Variants in FUCA2 observed in about 807,000 individuals in gnomAD.
FUCA2 encodes the protein plasma alpha-L-fucosidase.
FUCA2 carries 41 observed loss-of-function variants against 52.6 expected under a neutral mutation model. The observed-to-expected ratio is 0.78, with a 90% CI of 0.61 to 1.01. The LOEUF is 1.01. Ranked by LOEUF, FUCA2 falls within the 50% of genes least tolerant of loss-of-function variation. The pLI is 0.00. For synonymous variants in FUCA2, 211 were observed against 217.3 expected, an observed-to-expected ratio of 0.97 and a Z score of 0.26; for missense variants, 507 against 569.5, an observed-to-expected ratio of 0.89 and a Z score of 1.12.
In FUCA2 at chr6:143,507,347, T is replaced by C. The variant is rs1376422949; in HGVS notation, c.302A>G (p.Glu101Gly). The stretch of plus-strand genomic sequence containing the variant: ...TGCTGTAAATAGTGGTCCAAAATCT[T>C]CATATTTGAAACTAGGAGGGTAATT... ...KDNYPPSFKY[E>G]DFGPLFTAKF... The change falls in exon 2 of 7, where the codon GAA becomes GGA. Residue 101 changes from glutamate to glycine, a missense_variant. Coordinates refer to ENST00000002165, the MANE Select transcript of FUCA2 (RefSeq NM_032020.5). This position sits in a 1 kb window ranked among gnomAD's most constrained non-coding sequence, Gnocchi z 4.5. 6.2e-7 allele frequency: 1 copy of C among 1,608,798 alleles called. No individual in the cohort carries two copies. Among genetic ancestry groups the C allele is most frequent in the Non-Finnish European group, 8.5e-7 (1 of 1,178,938 alleles).
rs1465719879 is a variant in FUCA2, at chr6:143,511,568, G to GCGGCAGCAGCAGCAA, written c.52_66dup (p.Leu18_Pro22dup). The GCGGCAGCAGCAGCAA allele has an allele frequency of 1.2e-5, 19 of 1,564,274 alleles. No individual in the cohort carries two copies. Among genetic ancestry groups the GCGGCAGCAGCAGCAA allele is most frequent in the Non-Finnish European group, 1.6e-5 (19 of 1,155,248 alleles). ...GCGCTGTGGGCAGGGCACGGCGGCGGCGGCAGCAGCAGCAACAGCAACAGC... is the reference window on the plus strand; with the variant it reads ...GCGCTGTGGGCAGGGCACGGCGGCGGCGGCAGCAGCAGCAACGGCAGCAGCAGCAACAGCAACAGC... On this transcript the variant is annotated inframe_insertion, in exon 1 of 7. Coordinates refer to ENST00000002165, the MANE Select transcript of FUCA2 (RefSeq NM_032020.5). This position sits in a 1 kb window ranked among gnomAD's most constrained non-coding sequence, Gnocchi z 6.3.
chr6:143,504,547 A>G lies in FUCA2; in HGVS notation c.413-295T>C, dbSNP rs1037906504. The G allele has an allele frequency of 1.3e-5, 4 of 318,008 alleles. No homozygotes were observed. Among genetic ancestry groups the G allele is most frequent in the African/African-American group, 8.6e-5 (4 of 46,704 alleles). The allele number at this position is 318,008 out of a possible 1,614,324, so 19.7% of individuals were successfully genotyped here. On this transcript the variant is annotated intron_variant, in intron 2 of 6. Transcript: ENST00000002165. The surrounding 1 kb of genome is among the most constrained non-coding windows in gnomAD (Gnocchi z 4.4). ...GATTTTAAGGTCCTTAAGGGATTGC[A>G]TCATGTCTGCAGTGCTCCCTGCTAT...
In FUCA2 at chr6:143,503,487, T is replaced by C. The variant is rs1460119953; in HGVS notation, c.752+426A>G. On this transcript the variant is annotated intron_variant, in intron 3 of 6. Coordinates refer to ENST00000002165, the MANE Select transcript of FUCA2 (RefSeq NM_032020.5). This position sits in a 1 kb window ranked among gnomAD's most constrained non-coding sequence, Gnocchi z 4.8. ...AAAGAGGAGACAAACAAGGGTGACATTGGCTGGGCAGCAAAGATGACCAAA... is the reference window on the plus strand; with the variant it reads ...AAAGAGGAGACAAACAAGGGTGACACTGGCTGGGCAGCAAAGATGACCAAA... 6.3e-6 allele frequency: 1 copy of C among 157,748 alleles called. No homozygotes were observed. The highest frequency in any genetic ancestry group is 1.4e-5 in the Non-Finnish European group (1 of 71,910). 9.8% of individuals were successfully genotyped at this position (157,748 alleles called of 1,614,324 possible). A position where few individuals can be genotyped will look rare whatever the true frequency, so the allele number is the denominator to read the frequency against.
intron 2 of FUCA2, chr6:143,506,225 TCCCTCCGCC>T (rs1780606432): frequency 7.6e-6 from 1 of 131,498 alleles, no homozygotes; most frequent in South Asian, 2.6e-4. Flanking sequence ...AGACAGGATC[TCCCTCCGCC>T]ACCTAGACTG....
Position 143,500,838 on chromosome 6 carries a change from C to G in FUCA2, c.1154+1094G>C, listed in dbSNP as rs1215864637. 6.6e-6 allele frequency among the ~76,000 whole-genome samples: 1 copy of G among 152,070 alleles called. No individual in the cohort carries two copies. Among genetic ancestry groups the G allele is most frequent in the Non-Finnish European group, 1.5e-5 (1 of 68,016 alleles). On this transcript the variant is annotated intron_variant, in intron 5 of 6. Coordinates refer to ENST00000002165, the MANE Select transcript of FUCA2 (RefSeq NM_032020.5). This position sits in a 1 kb window ranked among gnomAD's most constrained non-coding sequence, Gnocchi z 6.9. ...GGATTTTAAGGGTTGACCTGGGAGT[C>G]TGTAGGTGACTGCAAGAAGGTGGGC...
intron 5 of FUCA2, among the ~76,000 whole-genome samples, chr6:143,498,238 A>G (rs550819399): frequency 1.3e-5 from 2 of 152,332 alleles, no homozygotes; most frequent in Admixed American, 6.5e-5. Context: ...GAAATCTTAA[A>G]ATGCTAGACA....
At chr6:143,505,599 G>A (rs1208611955) in intron 2 of FUCA2, 1 of 152,164 alleles carries the variant, frequency 6.6e-6, no homozygotes, top group African/African-American at 2.4e-5. Flanking sequence ...TTATAGATGT[G>A]AGCCACTGCA....
chr6:143,507,561 TTGG>T lies in FUCA2; in HGVS notation c.225-140_225-138del, dbSNP rs1288811706. ...TTTCTCACTTCCCCATTAGTTTGAC[TTGG>T]CTTTAAAGATAGCTTATGCAAACTA... On this transcript the variant is annotated intron_variant, in intron 1 of 6. Transcript: ENST00000002165. The surrounding 1 kb of genome is among the most constrained non-coding windows in gnomAD (Gnocchi z 4.5). 8 of 637,972 alleles carry T rather than the reference TTGG, an allele frequency of 1.3e-5. No homozygotes were observed. Among genetic ancestry groups the T allele is most frequent in the African/African-American group, 1.9e-5 (1 of 51,910 alleles). 39.5% of individuals were successfully genotyped at this position (637,972 alleles called of 1,614,324 possible).
In FUCA2 at chr6:143,511,276, G is replaced by T; in HGVS notation, c.224+135C>A. 1.4e-6 allele frequency: 1 copy of T among 707,182 alleles called. No homozygotes were observed. The highest frequency in any genetic ancestry group is 3.3e-5 in the Admixed American group (1 of 30,176). 43.8% of individuals were successfully genotyped at this position (707,182 alleles called of 1,614,324 possible). A position where few individuals can be genotyped will look rare whatever the true frequency, so the allele number is the denominator to read the frequency against. On this transcript the variant is annotated intron_variant, in intron 1 of 6. Transcript: ENST00000002165. This position sits in a 1 kb window ranked among gnomAD's most constrained non-coding sequence, Gnocchi z 6.3. ...TTCGACACCCGGAAGTGCGAAACGC[G>T]GGTAACGCAGTGGGAGGTGAAACCG...
rs1391228161 is a variant in FUCA2, at chr6:143,501,103, C to A, written c.1154+829G>T. 6.6e-6 allele frequency among the ~76,000 whole-genome samples: 1 copy of A among 152,092 alleles called. No individual in the cohort carries two copies. On this transcript the variant is annotated intron_variant, in intron 5 of 6. Transcript: ENST00000002165. The surrounding 1 kb of genome is among the most constrained non-coding windows in gnomAD (Gnocchi z 6.1). ...AAAAGTAAGAAGCAAATTCCAAAAC[C>A]AGATTTCTACTATTCTCTGTCACAT... is the stretch of plus-strand genomic sequence containing the variant.
chr6:143,501,567 CT>C lies in FUCA2; in HGVS notation c.1154+364del, dbSNP rs1780527269. ...TTGCTAATTTCATGGGATGCAACAT[CT>C]GCAAAAGTCAGAATTTACCGAACTG... On this transcript the variant is annotated intron_variant, in intron 5 of 6. Coordinates refer to ENST00000002165, the MANE Select transcript of FUCA2 (RefSeq NM_032020.5). The surrounding 1 kb of genome is among the most constrained non-coding windows in gnomAD (Gnocchi z 6.1). Among the ~76,000 whole-genome samples, 1 of 152,164 alleles carries C rather than the reference CT, an allele frequency of 6.6e-6. No individual in the cohort carries two copies. The highest frequency in any genetic ancestry group is 2.4e-5 in the African/African-American group (1 of 41,434).
At chr6:143,498,586 C>T (rs929740274) in intron 5 of FUCA2, among the ~76,000 whole-genome samples, 11 of 152,130 alleles carry the variant, frequency 7.2e-5, no homozygotes, top group Non-Finnish European at 1.3e-4. Context: ...TGTTGATGCA[C>T]TAGCAAGGCA....
At chr6:143,496,429 A>C (rs1357417581) in intron 6 of FUCA2, 1 of 152,270 alleles carries the variant, frequency 6.6e-6, no homozygotes, top group Non-Finnish European at 1.5e-5. Flanking sequence ...AAAAGAACAT[A>C]GATAAAATAA....
At position 143,500,929 on chromosome 6, in the gene FUCA2, G is replaced by A. The variant is rs144822397; in HGVS notation, c.1154+1003C>T. 5.8e-4 allele frequency among the ~76,000 whole-genome samples: 88 copies of A among 152,212 alleles called. No homozygotes were observed. Among genetic ancestry groups the A allele is most frequent in the African/African-American group, 1.5e-3 (64 of 41,526 alleles). ...GGAGAGCAGGACCACTCAGTGGCAG[G>A]GAAGTTGGTAGGAGCCAGACTCACA... is the stretch of plus-strand genomic sequence containing the variant. On this transcript the variant is annotated intron_variant, in intron 5 of 6. Coordinates refer to ENST00000002165, the MANE Select transcript of FUCA2 (RefSeq NM_032020.5). The surrounding 1 kb of genome is among the most constrained non-coding windows in gnomAD (Gnocchi z 6.9).
chr6:143,497,634 T>C lies in FUCA2; in HGVS notation c.1155-137A>G, dbSNP rs1212614200. 1.8e-6 allele frequency: 1 copy of C among 561,594 alleles called. No homozygotes were observed. Among genetic ancestry groups the C allele is most frequent in the Non-Finnish European group, 3.1e-6 (1 of 318,178 alleles). 34.8% of individuals were successfully genotyped at this position (561,594 alleles called of 1,614,324 possible). A position where few individuals can be genotyped will look rare whatever the true frequency, so the allele number is the denominator to read the frequency against. ...ACCACTAATAGAAGGGAAGGAAAAA[T>C]AGCCTCATGGTGGTATAAAAAAACA... On this transcript the variant is annotated intron_variant, in intron 5 of 6. Transcript: ENST00000002165. The surrounding 1 kb of genome is among the most constrained non-coding windows in gnomAD (Gnocchi z 5.3).
chr6:143,501,826 T>C lies in FUCA2; in HGVS notation c.1154+106A>G. ...AAGTTTGGAAAGTGCTTTGTATATG[T>C]AGGAATTCATCCAATTTCTCTTTTT... On this transcript the variant is annotated intron_variant, in intron 5 of 6. Transcript: ENST00000002165. This position sits in a 1 kb window ranked among gnomAD's most constrained non-coding sequence, Gnocchi z 6.1. 2 of 983,322 alleles carry C rather than the reference T, an allele frequency of 2.0e-6. No homozygotes were observed. The highest frequency in any genetic ancestry group is 2.5e-4 in the Middle Eastern group (1 of 3,928). 60.9% of individuals were successfully genotyped at this position (983,322 alleles called of 1,614,324 possible).
chr6:143,498,701 CCTT>C (rs1196617024), intron 5 of FUCA2, among the ~76,000 whole-genome samples: 1 of 151,978 alleles, frequency 6.6e-6, no homozygotes, highest in Non-Finnish European at 1.5e-5. Flanking sequence ...TGGGACCTGG[CCTT>C]CTCTCTGAGA....
chr6:143,506,236 C>CCTAGACTG, intron 2 of FUCA2: 1 of 144,620 alleles, frequency 6.9e-6, no homozygotes, highest in Non-Finnish European at 1.5e-5. Context: ...CCCTCCGCCA[C>CCTAGACTG]CTAGACTGGA....
At position 143,501,795 on chromosome 6, in the gene FUCA2, T is replaced by G; in HGVS notation, c.1154+137A>C. The stretch of plus-strand genomic sequence containing the variant: ...TCTTCCCCTTCTCTTTATATTAGAG[T>G]AAGCAAAGTTTGGAAAGTGCTTTGT... On this transcript the variant is annotated intron_variant, in intron 5 of 6. Coordinates refer to ENST00000002165, the MANE Select transcript of FUCA2 (RefSeq NM_032020.5). The surrounding 1 kb of genome is among the most constrained non-coding windows in gnomAD (Gnocchi z 6.1). The G allele has an allele frequency of 3.1e-6, 2 of 650,986 alleles. No homozygotes were observed. The highest frequency in any genetic ancestry group is 3.0e-5 in the Admixed American group (1 of 32,862). 40.3% of individuals were successfully genotyped at this position (650,986 alleles called of 1,614,324 possible). A position where few individuals can be genotyped will look rare whatever the true frequency, so the allele number is the denominator to read the frequency against.
Sources: allele counts gnomAD v4.1 joint callset (sites outside exome capture counted in the v4.1 genomes callset), GRCh38; gene constraint gnomAD v4.1.1; non-coding constraint Gnocchi (gnomAD v3.1); transcripts MANE v1.5; gene names NCBI Gene and HGNC (gene_info 2026-07-23, HGNC 2026-07-21).